The following TNRC6A variants were observed in gnomAD, a reference collection of about 807,000 sequenced individuals.
TNRC6A encodes trinucleotide repeat containing adaptor 6A.
Under a neutral mutation model 221.2 loss-of-function variants are expected in TNRC6A, and 44 were observed. That is an observed-to-expected ratio of 0.20 (90% CI 0.16 to 0.26). The LOEUF is 0.26. Among genes scored for constraint, TNRC6A ranks in the 10% least tolerant of loss-of-function variants. The pLI, the probability that TNRC6A is intolerant of heterozygous loss-of-function variation, is 1.00. For missense variants in TNRC6A, 2,199 were observed against 2,404.4 expected (o/e 0.91, Z 1.79); for synonymous variants, 847 against 838.5 (o/e 1.01, Z -0.18).
intron 1 of TNRC6A, among the ~76,000 whole-genome samples, chr16:24,612,272 G>A (rs1014348107): frequency 2.0e-5 from 3 of 152,098 alleles, no homozygotes; most frequent in Admixed American, 1.3e-4. Flanking sequence ...AGAATCCGCC[G>A]AGTGACTCGA....
chr16:24,813,244 G>A (rs1372029698), intron 18 of TNRC6A, among the ~76,000 whole-genome samples: 1 of 152,118 alleles, frequency 6.6e-6, no homozygotes, highest in African/African-American at 2.4e-5. Context: ...TACTGCTAGA[G>A]ATATATTGCA....
At chr16:24,718,113 A>G (rs1475011543) in intron 2 of TNRC6A, among the ~76,000 whole-genome samples, 2 of 151,966 alleles carry the variant, frequency 1.3e-5, no homozygotes, top group African/African-American at 2.4e-5. Context: ...ATGAATTCCA[A>G]ACTTAATACT....
At chr16:24,746,978 C>T (rs529429897) in intron 2 of TNRC6A, among the ~76,000 whole-genome samples, 1 of 152,282 alleles carries the variant, frequency 6.6e-6, no homozygotes, top group African/African-American at 2.4e-5. Flanking sequence ...AGCCACCATA[C>T]CCGGCCAGAA....
chr16:24,679,446 G>A (rs2055486856), intron 2 of TNRC6A, among the ~76,000 whole-genome samples: 1 of 151,920 alleles, frequency 6.6e-6, no homozygotes, highest in Non-Finnish European at 1.5e-5. Flanking sequence ...TGAGACTACA[G>A]GCACATACCA....
At chr16:24,796,119 G>A in intron 9 of TNRC6A, 180 bp downstream of exon 9, 1 of 541,546 alleles carries the variant, frequency 1.8e-6, no homozygotes. Flanking sequence ...TGGGGCATTA[G>A]GAGAGCTTCA....
chr16:24,794,939 C>G (rs2058187454), intron 8 of TNRC6A, among the ~76,000 whole-genome samples: 1 of 152,138 alleles, frequency 6.6e-6, no homozygotes, highest in Admixed American at 6.5e-5. Context: ...TTTCTCTCTT[C>G]CTCCCCCTCC....
At chr16:24,759,430 A>T (rs1465753185) in intron 4 of TNRC6A, among the ~76,000 whole-genome samples, 1 of 152,208 alleles carries the variant, frequency 6.6e-6, no homozygotes, top group Non-Finnish European at 1.5e-5. Flanking sequence ...ACTACTGTAC[A>T]TGGAAAGTAT....
intron 14 of TNRC6A, 181 bp from the exon 15 acceptor site, chr16:24,805,424 T>G (rs1402767785): frequency 1.0e-6 from 1 of 974,508 alleles, no homozygotes; most frequent in Non-Finnish European, 1.5e-6. Context: ...TCTGTCATCT[T>G]TTACTTAACC....
At chr16:24,718,907 G>T (rs1297244194) in intron 2 of TNRC6A, among the ~76,000 whole-genome samples, 1 of 151,662 alleles carries the variant, frequency 6.6e-6, no homozygotes, top group Non-Finnish European at 1.5e-5. Context: ...CATGGTGGTG[G>T]GTGTCTGTAA....
chr16:24,726,411 ATAC>A (rs1430150575), upstream of TNRC6A, among the ~76,000 whole-genome samples: 1 of 152,080 alleles, frequency 6.6e-6, no homozygotes, highest in Non-Finnish European at 1.5e-5. Context: ...CCAGAAGAAT[ATAC>A]TGTCAGGATG....
chr16:24,800,302 G>A (rs181231961), intron 11 of TNRC6A, among the ~76,000 whole-genome samples: 39 of 152,284 alleles, frequency 2.6e-4, no homozygotes, highest in African/African-American at 7.7e-4. Context: ...ATCCTCCTAC[G>A]ACAGATGCCC....
intron 2 of TNRC6A, among the ~76,000 whole-genome samples, chr16:24,704,051 C>T (rs939146413): frequency 6.6e-6 from 1 of 150,778 alleles, no homozygotes; most frequent in African/African-American, 2.4e-5. Context: ...ACCACTGCAC[C>T]CAGCCTGGGT....
intron 1 of TNRC6A, among the ~76,000 whole-genome samples, chr16:24,615,509 A>G (rs1471778632): frequency 6.6e-6 from 1 of 152,208 alleles, no homozygotes; most frequent in Non-Finnish European, 1.5e-5. Flanking sequence ...TTTAGAAATC[A>G]GATAATGGAG....
At chr16:24,648,274 C>CTTCTTTTTTTTTTT (rs1902399591) in intron 2 of TNRC6A, among the ~76,000 whole-genome samples, 1 of 97,890 alleles carries the variant, frequency 1.0e-5, no homozygotes, top group African/African-American at 4.7e-5. Context: ...TCCACAGCAA[C>CTTCTTTTTTTTTTT]TTTTTTTTTT....
chr16:24,720,204 A>G (rs1375144133), intron 2 of TNRC6A, among the ~76,000 whole-genome samples: 3 of 152,106 alleles, frequency 2.0e-5, no homozygotes, highest in Non-Finnish European at 4.4e-5. Context: ...AAAAATTACC[A>G]CTCTGGCCAA....
intron 1 of TNRC6A, among the ~76,000 whole-genome samples, chr16:24,634,378 C>T (rs1464314709): frequency 1.3e-5 from 2 of 151,880 alleles, no homozygotes; most frequent in African/African-American, 4.8e-5. Flanking sequence ...TGCAGTGAGC[C>T]GAGATCATGC....
At chr16:24,776,850 G>A in intron 4 of TNRC6A, 83 bp from the exon 5 acceptor site, 1 of 1,524,872 alleles carries the variant, frequency 6.6e-7, no homozygotes, top group Non-Finnish European at 8.8e-7. Context: ...ATTTTTCTTA[G>A]TGCCTTTGAA....
intron 2 of TNRC6A, among the ~76,000 whole-genome samples, chr16:24,660,640 C>T (rs2055007603): frequency 6.6e-6 from 1 of 151,918 alleles, no homozygotes; most frequent in Admixed American, 6.6e-5. Context: ...TTATAAAATG[C>T]CCCCATTTGT....
At chr16:24,761,915 T>TTC (rs778009874) in intron 4 of TNRC6A, among the ~76,000 whole-genome samples, 1 of 152,096 alleles carries the variant, frequency 6.6e-6, no homozygotes, top group Non-Finnish European at 1.5e-5. Flanking sequence ...ACAGCTAATT[T>TTC]TCTCTCTCTC....
Sources: gnomAD v4.1 joint callset for allele counts (sites outside exome capture counted in the v4.1 genomes callset) on GRCh38, gnomAD v4.1.1 for gene constraint, MANE v1.5 for transcripts, NCBI Gene and HGNC (gene_info 2026-07-23, HGNC 2026-07-21) for gene names.